The following CBLB variants were observed in gnomAD, a reference collection of about 807,000 sequenced individuals.
CBLB encodes Cbl proto-oncogene B.
A neutral mutation model predicts 104.9 loss-of-function variants in CBLB; 31 were observed. That is an observed-to-expected ratio of 0.30 (90% CI 0.22 to 0.40). The LOEUF is 0.40. Ranked by LOEUF, CBLB falls within the 10% of genes least tolerant of loss-of-function variation. The probability of loss-of-function intolerance (pLI) is 1.00; values close to 1 mark genes in which losing one functional copy is unlikely to be tolerated. For synonymous variants in CBLB, 440 were observed against 422.6 expected (o/e 1.04, Z -0.51); for missense variants, 1,062 against 1,214.6 (o/e 0.87, Z 1.87).
At chr3:105,850,264 T>C (rs2090780697) in intron 3 of CBLB, among the ~76,000 whole-genome samples, 1 of 152,098 alleles carries the variant, frequency 6.6e-6, no homozygotes, top group African/African-American at 2.4e-5. Context: ...TTTTTATGTT[T>C]GAATTTGATG....
At chr3:105,868,305 C>T in intron 1 of CBLB, 1 of 958,796 alleles carries the variant, frequency 1.0e-6, no homozygotes, top group Non-Finnish European at 1.4e-6. Flanking sequence ...TCTCTGGCTC[C>T]TCGCCTCTGC....
intron 17 of CBLB, chr3:105,672,860 A>AATGTGTTTG (rs2065212152): frequency 6.6e-6 from 1 of 152,162 alleles, no homozygotes; most frequent in Non-Finnish European, 1.5e-5. Flanking sequence ...AATAAAAATT[A>AATGTGTTTG]TATTGTGTAC....
At position 105,685,459 on chromosome 3, in the gene CBLB, CAGT is replaced by C; in HGVS notation, c.2059_2061del (p.Thr687del). 3 of 1,612,920 alleles carry C rather than the reference CAGT, an allele frequency of 1.9e-6. No individual in the cohort carries two copies. The highest frequency in any genetic ancestry group is 2.5e-6 in the Non-Finnish European group (3 of 1,179,162). ...TCTGAAAGAGAATTTGCTAACGGAC[CAGT>C]ACACCTACCAGGGGAAAAAAAATCC... is the stretch of plus-strand genomic sequence containing the variant. On this transcript the variant is annotated inframe_deletion, in exon 14 of 19. Coordinates refer to ENST00000394030, the MANE Select transcript of CBLB (RefSeq NM_170662.5).
intron 7 of CBLB, 140 bp downstream of exon 7, chr3:105,740,353 AC>A (rs2075401414): frequency 1.2e-6 from 1 of 807,898 alleles, no homozygotes. Context: ...AAAAAGATGA[AC>A]AAAAAACTAA....
chr3:105,658,468 C>T lies in CBLB; in HGVS notation c.*502G>A. The T allele has an allele frequency of 8.8e-6, 2 of 226,834 alleles. No homozygotes were observed. The allele number at this position is 226,834 out of a possible 1,614,324, so 14.1% of individuals were successfully genotyped here. A position where few individuals can be genotyped will look rare whatever the true frequency, so the allele number is the denominator to read the frequency against. ...CATCTTGTGAATGAGAGAAATGGAA[C>T]TGGACCTGGGCAAGGCATGGGGATG... On this transcript the variant is annotated 3_prime_UTR_variant, in exon 19 of 19. Transcript: ENST00000394030.
Position 105,703,999 on chromosome 3 carries a change from C to A in CBLB, c.1582G>T (p.Gly528Cys). The change falls in exon 11 of 19, where the codon GGT becomes TGT. Residue 528 changes from glycine (G) to cysteine (C), a missense_variant. Gly to Cys is a radical substitution (Grantham distance 159). Transcript: ENST00000394030. ...TAAAATTGATCTACCTTTGGTGAAC[C>A]CGTTGGGCTGCCACAGGGAGATCTA... ...IVRSPCGSPTGSPKSSPCMVR... is the reference protein window; with the variant it reads ...IVRSPCGSPTCSPKSSPCMVR... The A allele has an allele frequency of 6.2e-7, 1 of 1,613,972 alleles. No individual in the cohort carries two copies. The highest frequency in any genetic ancestry group is 1.7e-4 in the Middle Eastern group (1 of 6,060).
At chr3:105,810,000 T>C (rs1416131194) in intron 3 of CBLB, among the ~76,000 whole-genome samples, 1 of 152,066 alleles carries the variant, frequency 6.6e-6, no homozygotes, top group Non-Finnish European at 1.5e-5. Flanking sequence ...AGAAACATAT[T>C]TGTAAACATC....
intron 17 of CBLB, among the ~76,000 whole-genome samples, chr3:105,676,014 T>C (rs1210863043): frequency 6.6e-6 from 1 of 150,544 alleles, no homozygotes; most frequent in Non-Finnish European, 1.5e-5. Context: ...AAATACTTAT[T>C]ATAAGGGATG....
intron 18 of CBLB, among the ~76,000 whole-genome samples, chr3:105,664,452 C>G (rs535530377): frequency 6.6e-6 from 1 of 152,036 alleles, no homozygotes; most frequent in Non-Finnish European, 1.5e-5. Context: ...ATCTTAAGAT[C>G]GTAAGTGAAA....
chr3:105,691,772 A>G, intron 13 of CBLB, among the ~76,000 whole-genome samples: 1 of 152,156 alleles, frequency 6.6e-6, no homozygotes, highest in South Asian at 2.1e-4. Flanking sequence ...AGAAGTTCCC[A>G]CTGGAGAATG....
intron 16 of CBLB, among the ~76,000 whole-genome samples, chr3:105,679,920 C>G (rs1201107761): frequency 6.6e-6 from 1 of 152,162 alleles, no homozygotes; most frequent in South Asian, 2.1e-4. Flanking sequence ...CTATTTCCTA[C>G]ATTATCATAT....
chr3:105,795,553 A>G (rs1466453802), intron 3 of CBLB, among the ~76,000 whole-genome samples: 2 of 152,130 alleles, frequency 1.3e-5, no homozygotes, highest in Non-Finnish European at 2.9e-5. Flanking sequence ...CTGCACCCTT[A>G]ACATTAACTC....
chr3:105,677,657 AT>A (rs1433272716), intron 17 of CBLB, among the ~76,000 whole-genome samples: 1 of 151,786 alleles, frequency 6.6e-6, no homozygotes, highest in Non-Finnish European at 1.5e-5. Context: ...GTATCAGCAG[AT>A]TCCATATAAC....
chr3:105,667,551 ATAT>A (rs1404258957), intron 18 of CBLB, among the ~76,000 whole-genome samples: 2 of 152,202 alleles, frequency 1.3e-5, no homozygotes, highest in African/African-American at 4.8e-5. Context: ...ATACGTTCAT[ATAT>A]TTAAATTTCA....
At chr3:105,868,419 G>C in intron 1 of CBLB, 5 of 396,442 alleles carry the variant, frequency 1.3e-5, no homozygotes, top group Non-Finnish European at 2.2e-5. Flanking sequence ...GACTGGGAGG[G>C]GACAAAGTGT....
chr3:105,678,987 A>C (rs2065978786), intron 16 of CBLB, among the ~76,000 whole-genome samples: 1 of 152,188 alleles, frequency 6.6e-6, no homozygotes, highest in Non-Finnish European at 1.5e-5. Flanking sequence ...TTTAACTGGA[A>C]AATCACCTCA....
chr3:105,852,676 C>CAGAGCAACTT (rs1265067975), intron 3 of CBLB, among the ~76,000 whole-genome samples: 1 of 30,734 alleles, frequency 3.3e-5, no homozygotes, highest in Non-Finnish European at 9.1e-5. Flanking sequence ...TCACTCACTT[C>CAGAGCAACTT]CAGTCTGGCA....
At chr3:105,867,272 T>A in intron 2 of CBLB, 138 bp downstream of exon 2, 1 of 939,332 alleles carries the variant, frequency 1.1e-6, no homozygotes, top group Non-Finnish European at 1.7e-6. Flanking sequence ...AACACAGAGT[T>A]GAAGAAAAAT....
chr3:105,777,370 C>T (rs181383471), intron 3 of CBLB, among the ~76,000 whole-genome samples: 65 of 152,290 alleles, frequency 4.3e-4, no homozygotes, highest in African/African-American at 1.6e-3. Flanking sequence ...GGTGTGGTGA[C>T]TCACCCCTGT....
Sources: gnomAD v4.1 joint callset for allele counts (sites outside exome capture counted in the v4.1 genomes callset) on GRCh38, gnomAD v4.1.1 for gene constraint, MANE v1.5 for transcripts, NCBI Gene and HGNC (gene_info 2026-07-23, HGNC 2026-07-21) for gene names.